Variants in SPTBN1 observed in about 807,000 individuals in gnomAD.
SPTBN1 encodes the protein spectrin beta chain, non-erythrocytic 1.
SPTBN1 carries 32 observed loss-of-function variants against 266.4 expected under a neutral mutation model. The ratio of observed to expected loss-of-function variants is 0.12; its 90% confidence interval spans 0.09 to 0.16. The LOEUF (loss-of-function observed/expected upper bound fraction) is 0.16, where lower values mean the gene tolerates loss of function less well. SPTBN1 is among the 10% of genes least tolerant of loss of function. The probability of loss-of-function intolerance (pLI) is 1.00; values close to 1 mark genes in which losing one functional copy is unlikely to be tolerated. For missense variants in SPTBN1, 2,296 were observed against 3,067.1 expected, an observed-to-expected ratio of 0.75 and a Z score of 5.94; for synonymous variants, 1,336 against 1,162.2, an observed-to-expected ratio of 1.15 and a Z score of -3.04.
chr2:54,532,562 G>A (rs1671320565), intron 2 of SPTBN1, among the ~76,000 whole-genome samples: 3 of 152,180 alleles, frequency 2.0e-5, no homozygotes, highest in African/African-American at 7.2e-5. Context: ...AGGTGTTACT[G>A]TTTACAGTTT....
At chr2:54,607,021 TAACCGAA>T (rs548541177) in intron 3 of SPTBN1, among the ~76,000 whole-genome samples, 3 of 152,370 alleles carry the variant, frequency 2.0e-5, no homozygotes, top group African/African-American at 7.2e-5. Flanking sequence ...ATTTCCCACA[TAACCGAA>T]TTAAAATCAT....
Position 54,653,804 on chromosome 2 carries a change from C to G in SPTBN1, c.5773C>G (p.Leu1925Val), listed in dbSNP as rs1314377849. ...CTTCAGCATGGTGCGCGACCTCATG[C>G]TCTGGATGGAGGATGTCATCCGGCA... is the stretch of plus-strand genomic sequence containing the variant. Reference protein sequence around the residue: ...RFFSMVRDLMLWMEDVIRQIE... With the variant: ...RFFSMVRDLMVWMEDVIRQIE... Residue 1925 changes from leucine to valine, a missense_variant, in exon 27 of 36, where the codon CTC (leucine) becomes GTC (valine). Around this residue, in one of 12 missense-constraint regions of SPTBN1, gnomAD observed 644 missense variants for 745.3 expected, o/e 0.86. Transcript: ENST00000356805. This position sits in a 1 kb window ranked among gnomAD's most constrained non-coding sequence, Gnocchi z 5.1. 1 of 1,614,118 alleles carries G rather than the reference C, an allele frequency of 6.2e-7. No homozygotes were observed. Among genetic ancestry groups the G allele is most frequent in the Admixed American group, 1.7e-5 (1 of 59,976 alleles).
chr2:54,643,216 A>G (rs1238166159), intron 19 of SPTBN1, 87 bp downstream of exon 19: 1 of 1,540,034 alleles, frequency 6.5e-7, no homozygotes, highest in East Asian at 2.3e-5. Flanking sequence ...TTTCCAGCAT[A>G]TCTGATCTTA....
At chr2:54,584,013 C>T (rs1021338822) in intron 2 of SPTBN1, among the ~76,000 whole-genome samples, 2 of 152,188 alleles carry the variant, frequency 1.3e-5, no homozygotes, top group Non-Finnish European at 2.9e-5. Flanking sequence ...GGAAATGCCT[C>T]CTGTCTGCTT....
At position 54,465,637 on chromosome 2, in the gene SPTBN1, C is replaced by CATGTATATATATA. The variant is rs1433073794; in HGVS notation, c.-48+9119_-48+9120insATGTATATATATA. ...TATGATGCATACATATCATGTTTATCTCATATATATATATATATATATATA... is the reference window on the plus strand; with the variant it reads ...TATGATGCATACATATCATGTTTATCATGTATATATATATCATATATATATATATATATATATA... On this transcript the variant is annotated intron_variant, in intron 1 of 35. Transcript: ENST00000356805. Among the ~76,000 whole-genome samples, 4 of 89,724 alleles carry CATGTATATATATA rather than the reference C, an allele frequency of 4.5e-5. No homozygotes were observed. In the South Asian group the frequency reaches 1.3e-3, roughly 30 times the overall value. 58.9% of individuals were successfully genotyped at this position (89,724 alleles called of 152,430 possible).
At position 54,544,134 on chromosome 2, in the gene SPTBN1, G is replaced by C. The variant is rs374558295; in HGVS notation, c.148+17568G>C. ...AAGTCTTTGGAAAGCATTATATCCC[G>C]TGTTACAGATTTCAGTCTGAGATTT... On this transcript the variant is annotated intron_variant, in intron 2 of 35. Transcript: ENST00000356805. Among the ~76,000 whole-genome samples the C allele has an allele frequency of 5.9e-5, 9 of 152,136 alleles. No homozygotes were observed. In the East Asian group the frequency reaches 1.2e-3, roughly 20 times the overall value.
At chr2:54,482,208 G>T (rs1193651505) in intron 1 of SPTBN1, among the ~76,000 whole-genome samples, 1 of 151,984 alleles carries the variant, frequency 6.6e-6, no homozygotes, top group Non-Finnish European at 1.5e-5. Context: ...CATCCCCTGA[G>T]GAGACTTAAA....
chr2:54,566,489 CT>C (rs962014496), intron 2 of SPTBN1, among the ~76,000 whole-genome samples: 2 of 152,086 alleles, frequency 1.3e-5, no homozygotes, highest in Admixed American at 6.5e-5. Flanking sequence ...CGCCTGGCCC[CT>C]GTAAGCATGT....
intron 2 of SPTBN1, among the ~76,000 whole-genome samples, chr2:54,551,919 T>C (rs1186416368): frequency 6.6e-6 from 1 of 152,208 alleles, no homozygotes; most frequent in Admixed American, 6.5e-5. Flanking sequence ...ATAGGACTTC[T>C]GTAACTTGTT....
intron 2 of SPTBN1, among the ~76,000 whole-genome samples, chr2:54,591,655 C>CT (rs1675689453): frequency 6.6e-6 from 1 of 152,156 alleles, no homozygotes; most frequent in Non-Finnish European, 1.5e-5. Flanking sequence ...TGCCTTCAGG[C>CT]TTTCCTTCAT....
At chr2:54,459,214 AGAG>A (rs1393160964) in intron 1 of SPTBN1, among the ~76,000 whole-genome samples, 4 of 152,204 alleles carry the variant, frequency 2.6e-5, no homozygotes, top group Non-Finnish European at 4.4e-5. Flanking sequence ...CCTTCATCTG[AGAG>A]GAGAAGTATT....
intron 2 of SPTBN1, among the ~76,000 whole-genome samples, chr2:54,597,292 C>G (rs1558882947): frequency 6.6e-6 from 1 of 152,208 alleles, no homozygotes; most frequent in Non-Finnish European, 1.5e-5. Context: ...AATTACAGCT[C>G]CTGAGTCACT....
intron 16 of SPTBN1, 141 bp downstream of exon 16, chr2:54,631,752 C>A: frequency 8.7e-7 from 1 of 1,153,474 alleles, no homozygotes; most frequent in East Asian, 2.5e-5. Context: ...TTTTTTTCCC[C>A]ATACTCTTAA....
intron 1 of SPTBN1, among the ~76,000 whole-genome samples, chr2:54,524,133 A>C (rs1440051493): frequency 6.6e-6 from 1 of 152,144 alleles, no homozygotes; most frequent in African/African-American, 2.4e-5. Context: ...CAGGAGGCGG[A>C]GGCTGCAGTG....
chr2:54,492,053 G>A (rs903367360), intron 1 of SPTBN1, among the ~76,000 whole-genome samples: 1 of 152,114 alleles, frequency 6.6e-6, no homozygotes, highest in African/African-American at 2.4e-5. Context: ...GAGACCTCAA[G>A]ATAATTATTT....
rs761580309 is a variant in SPTBN1, at chr2:54,526,357, T to G, written c.-47-15T>G. 21 of 1,591,684 alleles carry G rather than the reference T, an allele frequency of 1.3e-5. No individual in the cohort carries two copies. Among genetic ancestry groups the G allele is most frequent in the Non-Finnish European group, 1.8e-5 (21 of 1,168,410 alleles). On this transcript the variant is annotated splice_polypyrimidine_tract_variant and intron_variant, in intron 1 of 35. Coordinates refer to ENST00000356805, the MANE Select transcript of SPTBN1 (RefSeq NM_003128.3). ...ACTTCAGACGTCTAAATGTTTTTCC[T>G]TTTCTTTCTCATAGAACTCTAAGAA...
intron 1 of SPTBN1, among the ~76,000 whole-genome samples, chr2:54,472,269 C>T (rs939080617): frequency 6.6e-6 from 1 of 151,950 alleles, no homozygotes; most frequent in African/African-American, 2.4e-5. Flanking sequence ...CCTCATAATC[C>T]GCCCGCCTGG....
intron 1 of SPTBN1, among the ~76,000 whole-genome samples, chr2:54,523,182 A>G (rs2104304874): frequency 6.6e-6 from 1 of 152,338 alleles, no homozygotes; most frequent in East Asian, 1.9e-4. Flanking sequence ...CCACTGTAAG[A>G]TCATTCAATG....
intron 2 of SPTBN1, among the ~76,000 whole-genome samples, chr2:54,575,383 AT>A (rs1369911388): frequency 1.3e-5 from 2 of 152,244 alleles, no homozygotes; most frequent in Non-Finnish European, 2.9e-5. Context: ...TGATGAGTAA[AT>A]TCTTCCATTA....
Sources: gnomAD v4.1 joint callset for allele counts (sites outside exome capture counted in the v4.1 genomes callset) on GRCh38, gnomAD v4.1.1 for gene constraint, gnomAD v4.1.1 regional missense constraint, Gnocchi (gnomAD v3.1) non-coding constraint, MANE v1.5 for transcripts, NCBI Gene and HGNC (gene_info 2026-07-23, HGNC 2026-07-21) for gene names.